APBB2: variants seen among roughly 807,000 people sequenced by gnomAD.
The protein encoded by APBB2 is amyloid beta precursor protein binding family B member 2.
APBB2 carries 38 observed loss-of-function variants against 82.5 expected under a neutral mutation model. The ratio of observed to expected loss-of-function variants is 0.46; its 90% confidence interval spans 0.36 to 0.60. The LOEUF (loss-of-function observed/expected upper bound fraction) is 0.60, where lower values mean the gene tolerates loss of function less well. Among genes scored for constraint, APBB2 ranks in the 20% least tolerant of loss-of-function variants. APBB2 has a pLI of 0.00. For synonymous variants in APBB2, 341 were observed against 368.2 expected, an observed-to-expected ratio of 0.93 and a Z score of 0.85; for missense variants, 772 against 972.3, an observed-to-expected ratio of 0.79 and a Z score of 2.74.
chr4:41,157,797 C>T (rs1396218653), intron 1 of APBB2, among the ~76,000 whole-genome samples: 1 of 152,148 alleles, frequency 6.6e-6, no homozygotes, highest in African/African-American at 2.4e-5. Flanking sequence ...TCGGGACCAG[C>T]CTGGCCAACA....
intron 2 of APBB2, among the ~76,000 whole-genome samples, chr4:41,128,496 C>A (rs1163675901): frequency 6.6e-6 from 1 of 152,216 alleles, no homozygotes; most frequent in African/African-American, 2.4e-5. Flanking sequence ...AACTGATCAC[C>A]AAAGCCCTGT....
intron 12 of APBB2, among the ~76,000 whole-genome samples, chr4:40,844,070 T>C (rs1756770976): frequency 6.6e-6 from 1 of 152,208 alleles, no homozygotes. Flanking sequence ...ACAGGGAACA[T>C]TCCTCTCTTT....
At chr4:40,877,210 G>A (rs1388809662) in intron 12 of APBB2, among the ~76,000 whole-genome samples, 1 of 152,242 alleles carries the variant, frequency 6.6e-6, no homozygotes, top group Non-Finnish European at 1.5e-5. Context: ...CTTGGCCAAC[G>A]TGGAGTATAA....
intron 6 of APBB2, among the ~76,000 whole-genome samples, chr4:40,947,766 C>T (rs1250811071): frequency 1.3e-5 from 2 of 152,136 alleles, no homozygotes; most frequent in African/African-American, 4.8e-5. Context: ...GGATTTAAGC[C>T]TTGTGAGGGT....
chr4:41,035,455 T>A (rs1229415585), intron 4 of APBB2, among the ~76,000 whole-genome samples: 1 of 152,268 alleles, frequency 6.6e-6, no homozygotes, highest in Non-Finnish European at 1.5e-5. Flanking sequence ...CTTTGCCCTA[T>A]AACTTTCTGC....
intron 7 of APBB2, among the ~76,000 whole-genome samples, chr4:40,941,919 G>T (rs776926955): frequency 6.6e-6 from 1 of 152,118 alleles, no homozygotes; most frequent in African/African-American, 2.4e-5. Context: ...TTACAGGCGT[G>T]AGCTGCAGCA....
chr4:41,167,641 A>T (rs1056458749), intron 1 of APBB2, among the ~76,000 whole-genome samples: 1 of 152,226 alleles, frequency 6.6e-6, no homozygotes, highest in African/African-American at 2.4e-5. Flanking sequence ...TATGGAAGTC[A>T]TATGGATTCA....
In APBB2 at chr4:41,214,466, C is replaced by T. The variant is rs1233501066; in HGVS notation, c.-478G>A. On this transcript the variant is annotated 5_prime_UTR_variant, in exon 1 of 18. Transcript: ENST00000508593. The stretch of plus-strand genomic sequence containing the variant: ...CCAGCGGCTCTGCTCCAGTCTCGCC[C>T]TTCCCGGAGCGCCCAGATCAGATGC... The T allele has an allele frequency of 1.3e-5, 2 of 152,486 alleles. No homozygotes were observed. Among genetic ancestry groups the T allele is most frequent in the African/African-American group, 2.4e-5 (1 of 41,474 alleles). The allele number at this position is 152,486 out of a possible 1,614,324, so 9.4% of individuals were successfully genotyped here. A position where few individuals can be genotyped will look rare whatever the true frequency, so the allele number is the denominator to read the frequency against.
At chr4:41,051,307 GTGAGCT>G (rs947976197) in intron 4 of APBB2, among the ~76,000 whole-genome samples, 6 of 152,196 alleles carry the variant, frequency 3.9e-5, no homozygotes, top group Admixed American at 1.3e-4. Flanking sequence ...AAAACAACAT[GTGAGCT>G]TGGCAGACTC....
chr4:40,887,818 T>C lies in APBB2; in HGVS notation c.1529+2546A>G, dbSNP rs146369458. ...TGGAACCCTGAGCGTATTTCGAAAT[T>C]ACACTCATCTGCTGACACTGAGTGA... On this transcript the variant is annotated intron_variant, in intron 12 of 17. Coordinates refer to ENST00000508593, the MANE Select transcript of APBB2 (RefSeq NM_004307.2). Among the ~76,000 whole-genome samples the C allele has an allele frequency of 5.0e-4, 76 of 152,292 alleles. 1 individual carries two copies. In the East Asian group the frequency reaches 0.013, roughly 26 times the overall value.
At chr4:40,871,728 G>C (rs4861321) in intron 12 of APBB2, among the ~76,000 whole-genome samples, 1 of 152,130 alleles carries the variant, frequency 6.6e-6, no homozygotes, top group African/African-American at 2.4e-5. Context: ...AAAGCATTGT[G>C]TCAAAACATG....
intron 6 of APBB2, among the ~76,000 whole-genome samples, chr4:40,992,082 C>T (rs1802265645): frequency 6.6e-6 from 1 of 152,128 alleles, no homozygotes; most frequent in Non-Finnish European, 1.5e-5. Context: ...AGAAAAGCAT[C>T]TTTGCTAACA....
At chr4:41,078,260 G>A (rs1736333916) in intron 3 of APBB2, among the ~76,000 whole-genome samples, 1 of 152,140 alleles carries the variant, frequency 6.6e-6, no homozygotes, top group Non-Finnish European at 1.5e-5. Context: ...CTACAAGGAA[G>A]TAAATACCAG....
At chr4:40,818,083 C>T (rs2154293542) in intron 17 of APBB2, among the ~76,000 whole-genome samples, 1 of 152,318 alleles carries the variant, frequency 6.6e-6, no homozygotes, top group Non-Finnish European at 1.5e-5. Context: ...CTATACCACA[C>T]AGCTGTAAAA....
chr4:40,822,023 G>C lies in APBB2; in HGVS notation c.1960C>G (p.Arg654Gly). 6.2e-7 allele frequency: 1 copy of C among 1,614,142 alleles called. No individual in the cohort carries two copies. The highest frequency in any genetic ancestry group is 8.5e-7 in the Non-Finnish European group (1 of 1,180,042). ...CCCATGAAGGACAGGAATCGCACAC[G>C]ACATTCCACTAAGACTTCCTCTTCA... ...KNEEEVLVEC[R>G]VRFLSFMGVG... is the part of the protein sequence containing the mutation. The change falls in exon 17 of 18, where the codon CGT becomes GGT. Residue 654 changes from arginine (R) to glycine (G), a missense_variant. Transcript: ENST00000508593.
chr4:41,016,684 C>A (rs1315288211), intron 5 of APBB2, among the ~76,000 whole-genome samples: 1 of 151,680 alleles, frequency 6.6e-6, no homozygotes, highest in Non-Finnish European at 1.5e-5. Flanking sequence ...AGACTTCTAG[C>A]CATATTTTCA....
intron 16 of APBB2, among the ~76,000 whole-genome samples, chr4:40,823,091 A>G (rs1199558984): frequency 2.0e-5 from 3 of 152,236 alleles, no homozygotes; most frequent in Non-Finnish European, 4.4e-5. Flanking sequence ...AGTGGGCACA[A>G]GTCTGGGCCA....
At chr4:40,839,281 C>T (rs1755036876) in intron 12 of APBB2, among the ~76,000 whole-genome samples, 1 of 151,786 alleles carries the variant, frequency 6.6e-6, no homozygotes, top group African/African-American at 2.4e-5. Context: ...GCAACCTTGC[C>T]TCCCTGTAAC....
intron 6 of APBB2, among the ~76,000 whole-genome samples, chr4:40,995,897 T>G (rs1487341858): frequency 6.6e-6 from 1 of 152,172 alleles, no homozygotes. Context: ...GTTGAACTCC[T>G]GGCCTCAAGA....
Sources: gnomAD v4.1 joint callset for allele counts (sites outside exome capture counted in the v4.1 genomes callset) on GRCh38, gnomAD v4.1.1 for gene constraint, MANE v1.5 for transcripts, NCBI Gene and HGNC (gene_info 2026-07-23, HGNC 2026-07-21) for gene names.